ADAMTSL1: variants seen among roughly 807,000 people sequenced by gnomAD.
ADAMTSL1 encodes ADAMTS like 1.
A neutral mutation model predicts 201.8 loss-of-function variants in ADAMTSL1; 126 were observed. The ratio of observed to expected loss-of-function variants is 0.62; its 90% CI spans 0.54 to 0.72. The LOEUF is 0.72. ADAMTSL1 is among the 30% of genes least tolerant of loss of function. ADAMTSL1 has a pLI of 0.00. For missense variants in ADAMTSL1, 2,679 were observed against 2,277.8 expected, an observed-to-expected ratio of 1.18 and a Z score of -3.59; for synonymous variants, 1,121 against 903.4, an observed-to-expected ratio of 1.24 and a Z score of -4.32.
intron 2 of ADAMTSL1, among the ~76,000 whole-genome samples, chr9:18,244,007 T>C (rs1831165014): frequency 6.6e-6 from 1 of 152,058 alleles, no homozygotes; most frequent in Admixed American, 6.6e-5. Flanking sequence ...TGATTTTGCA[T>C]TTTTCCTTTT....
At chr9:18,446,737 A>C (rs1427549265) in intron 2 of ADAMTSL1, among the ~76,000 whole-genome samples, 1 of 152,226 alleles carries the variant, frequency 6.6e-6, no homozygotes, top group African/African-American at 2.4e-5. Context: ...TTTTCTCAAC[A>C]TGTTCTTACC....
At chr9:18,821,325 G>A (rs929604301) in intron 21 of ADAMTSL1, among the ~76,000 whole-genome samples, 7 of 152,156 alleles carry the variant, frequency 4.6e-5, no homozygotes, top group African/African-American at 1.7e-4. Context: ...TGTCATGCAG[G>A]GTCACAGGAT....
chr9:17,974,451 G>C (rs1452661407), intron 1 of ADAMTSL1, among the ~76,000 whole-genome samples: 1 of 151,982 alleles, frequency 6.6e-6, no homozygotes, highest in Admixed American at 6.6e-5. Flanking sequence ...TCACCATGCT[G>C]TACTGATCTC....
At chr9:18,451,296 A>G (rs961048757) in intron 2 of ADAMTSL1, among the ~76,000 whole-genome samples, 5 of 152,350 alleles carry the variant, frequency 3.3e-5, no homozygotes, top group Admixed American at 2.0e-4. Context: ...TTTTATGGTA[A>G]GATCGCCACA....
chr9:18,178,796 A>G (rs879761239), intron 2 of ADAMTSL1, among the ~76,000 whole-genome samples: 3 of 152,224 alleles, frequency 2.0e-5, no homozygotes, highest in South Asian at 2.1e-4. Context: ...AGGTACTCCA[A>G]CAGAACTGCA....
At chr9:17,989,918 CTTTT>C (rs756953884) in intron 1 of ADAMTSL1, among the ~76,000 whole-genome samples, 1 of 134,898 alleles carries the variant, frequency 7.4e-6, no homozygotes, top group Admixed American at 7.5e-5. Context: ...TTGTAAACAT[CTTTT>C]TTTTTTTTTT....
At chr9:18,128,987 T>C (rs1454075692) in intron 1 of ADAMTSL1, among the ~76,000 whole-genome samples, 1 of 152,204 alleles carries the variant, frequency 6.6e-6, no homozygotes, top group Non-Finnish European at 1.5e-5. Context: ...AAGTCTTCTA[T>C]AAAACAGACT....
At chr9:18,022,292 C>T (rs941461546) in intron 1 of ADAMTSL1, among the ~76,000 whole-genome samples, 5 of 152,168 alleles carry the variant, frequency 3.3e-5, no homozygotes, top group Non-Finnish European at 5.9e-5. Context: ...TGAGCAGCTG[C>T]TCTGGGAGGC....
At chr9:18,236,458 T>C (rs1225344209) in intron 2 of ADAMTSL1, among the ~76,000 whole-genome samples, 2 of 152,182 alleles carry the variant, frequency 1.3e-5, no homozygotes, top group African/African-American at 4.8e-5. Context: ...CCCAGTTGAG[T>C]ATGTCTGAAT....
chr9:18,534,656 T>G (rs1422373835), intron 3 of ADAMTSL1, among the ~76,000 whole-genome samples: 4 of 152,234 alleles, frequency 2.6e-5, no homozygotes, highest in Admixed American at 2.0e-4. Flanking sequence ...GCTCCACCCC[T>G]GCAGCAGACT....
chr9:18,146,864 A>C (rs1450963761), intron 1 of ADAMTSL1, among the ~76,000 whole-genome samples: 1 of 152,160 alleles, frequency 6.6e-6, no homozygotes, highest in East Asian at 1.9e-4. Context: ...TTAAAGCATG[A>C]AATTTATTGT....
intron 26 of ADAMTSL1, among the ~76,000 whole-genome samples, chr9:18,904,473 GA>G (rs35084596): frequency 0.26 from 38,148 of 148,250 alleles, 5,974 homozygotes; most frequent in Non-Finnish European, 0.35. Flanking sequence ...CTGAGAAAAA[GA>G]AAAAAAAAGT....
At chr9:18,665,535 A>T (rs1829377679) in intron 9 of ADAMTSL1, among the ~76,000 whole-genome samples, 1 of 152,128 alleles carries the variant, frequency 6.6e-6, no homozygotes, top group South Asian at 2.1e-4. Context: ...AAATACATGA[A>T]CAACTTCTAG....
chr9:18,694,533 C>T (rs1451947856), intron 13 of ADAMTSL1, among the ~76,000 whole-genome samples: 1 of 152,044 alleles, frequency 6.6e-6, no homozygotes, highest in African/African-American at 2.4e-5. Context: ...GGTTACAGAC[C>T]CCGTGCAAGT....
intron 1 of ADAMTSL1, among the ~76,000 whole-genome samples, chr9:18,122,466 T>A (rs1175650843): frequency 1.3e-5 from 2 of 152,180 alleles, no homozygotes; most frequent in Non-Finnish European, 2.9e-5. Context: ...GATTCCTCCT[T>A]TCTCTTAGAA....
At chr9:18,574,292 A>T in intron 4 of ADAMTSL1, 26 bp downstream of exon 4, 4 of 1,586,562 alleles carry the variant, frequency 2.5e-6, no homozygotes, top group Non-Finnish European at 3.5e-6. Flanking sequence ...TTCTCATTCA[A>T]CTTGTCCAGA....
chr9:18,250,691 T>A (rs1193375425), intron 2 of ADAMTSL1, among the ~76,000 whole-genome samples: 1 of 152,028 alleles, frequency 6.6e-6, no homozygotes, highest in Non-Finnish European at 1.5e-5. Flanking sequence ...AAGTCAGAAG[T>A]GTTCTCATGC....
chr9:18,380,778 G>T (rs534452258), intron 2 of ADAMTSL1, among the ~76,000 whole-genome samples: 2 of 152,322 alleles, frequency 1.3e-5, no homozygotes, highest in African/African-American at 4.8e-5. Context: ...TTAAGGCTGA[G>T]TTCACCTCCG....
intron 23 of ADAMTSL1, among the ~76,000 whole-genome samples, chr9:18,877,868 AG>A (rs138342344): frequency 6.6e-6 from 1 of 152,254 alleles, no homozygotes; most frequent in East Asian, 1.9e-4. Flanking sequence ...TTCAGCTACC[AG>A]GGCCGGTAGA....
Sources: allele counts gnomAD v4.1 joint callset (sites outside exome capture counted in the v4.1 genomes callset), GRCh38; gene constraint gnomAD v4.1.1; transcripts MANE v1.5; gene names NCBI Gene and HGNC (gene_info 2026-07-23, HGNC 2026-07-21).